Variants in DARS1 observed in about 807,000 individuals in gnomAD.
The protein encoded by DARS1 is aspartate--tRNA ligase, cytoplasmic.
A neutral mutation model predicts 68.8 loss-of-function variants in DARS1; 51 were observed. The observed-to-expected ratio is 0.74, with a 90% CI of 0.59 to 0.94. The LOEUF is 0.94. Ranked by LOEUF, DARS1 falls within the 40% of genes least tolerant of loss-of-function variation. The probability of loss-of-function intolerance (pLI) is 0.00; values close to 1 mark genes in which losing one functional copy is unlikely to be tolerated. For missense variants in DARS1, 607 were observed against 597.3 expected (o/e 1.02, Z -0.17); for synonymous variants, 203 against 190.4 (o/e 1.07, Z -0.55).
Position 135,924,452 on chromosome 2 carries a change from T to C in DARS1, c.611A>G (p.His204Arg). Residue 204 changes from histidine (H) to arginine (R), a missense_variant, in exon 8 of 16, where the codon CAT (histidine) becomes CGT (arginine). Physicochemically the swap from His to Arg is conservative, Grantham distance 29. Transcript: ENST00000264161. ...GTTAATTAAAGTTTCTCGGAAGAGATGGCAGATGCCAGACTGGAGACGGAA... is the reference window on the plus strand; with the variant it reads ...GTTAATTAAAGTTTCTCGGAAGAGACGGCAGATGCCAGACTGGAGACGGAA... ...AVFRLQSGIC[H>R]LFRETLINKG... 5.6e-6 allele frequency: 9 copies of C among 1,609,852 alleles called. No homozygotes were observed. Among genetic ancestry groups the C allele is most frequent in the Non-Finnish European group, 7.6e-6 (9 of 1,178,904 alleles).
chr2:135,939,090 G>C (rs1681537396), intron 5 of DARS1, among the ~76,000 whole-genome samples: 1 of 152,070 alleles, frequency 6.6e-6, no homozygotes, highest in Admixed American at 6.6e-5. Flanking sequence ...GTCAACATTA[G>C]GCAGATCAAT....
chr2:135,985,154 C>G lies in DARS1; in HGVS notation c.66+249G>C, dbSNP rs1222041728. On this transcript the variant is annotated intron_variant, in intron 1 of 15. Transcript: ENST00000264161. ...TACTTCCGGGGCGGCTGGTTCTTCC[C>G]GTCCTCCCCACCCCGGGGACACGCT... The G allele has an allele frequency of 1.1e-5, 6 of 562,888 alleles. No individual in the cohort carries two copies. In the East Asian group the frequency reaches 1.8e-4, roughly 16 times the overall value. 34.9% of individuals were successfully genotyped at this position (562,888 alleles called of 1,614,324 possible). A position where few individuals can be genotyped will look rare whatever the true frequency, so the allele number is the denominator to read the frequency against.
chr2:135,942,746 C>T (rs926188077), intron 5 of DARS1, among the ~76,000 whole-genome samples: 9 of 152,066 alleles, frequency 5.9e-5, no homozygotes, highest in African/African-American at 2.2e-4. Flanking sequence ...CATTATTATT[C>T]ACTTATATTG....
chr2:135,972,658 G>C (rs1469611937), intron 3 of DARS1, among the ~76,000 whole-genome samples: 3 of 152,034 alleles, frequency 2.0e-5, no homozygotes, highest in Non-Finnish European at 2.9e-5. Flanking sequence ...ATGGGACAAA[G>C]TATTTACAAA....
chr2:135,977,747 A>G (rs1481794004), intron 3 of DARS1, among the ~76,000 whole-genome samples: 1 of 152,218 alleles, frequency 6.6e-6, no homozygotes, highest in Non-Finnish European at 1.5e-5. Context: ...ACTCTTAACA[A>G]TGGTGGCCCT....
chr2:135,953,425 C>T (rs528895119), intron 4 of DARS1, among the ~76,000 whole-genome samples: 3 of 152,152 alleles, frequency 2.0e-5, no homozygotes, highest in Non-Finnish European at 4.4e-5. Context: ...CAGTGGCATA[C>T]ACCACACAGC....
At chr2:135,929,733 T>C (rs947779344) in intron 7 of DARS1, among the ~76,000 whole-genome samples, 8 of 152,224 alleles carry the variant, frequency 5.3e-5, no homozygotes, top group African/African-American at 1.9e-4. Flanking sequence ...AAAATATGTA[T>C]TGAAAGTAAT....
intron 4 of DARS1, among the ~76,000 whole-genome samples, chr2:135,954,684 T>C (rs1404742092): frequency 1.3e-5 from 2 of 152,194 alleles, no homozygotes; most frequent in African/African-American, 4.8e-5. Context: ...TGAGTTTTAA[T>C]TTCAGATTAA....
chr2:135,958,365 T>C (rs1412763286), intron 4 of DARS1, among the ~76,000 whole-genome samples: 1 of 152,240 alleles, frequency 6.6e-6, no homozygotes, highest in Non-Finnish European at 1.5e-5. Flanking sequence ...AAAGCTACCT[T>C]AATTTTTGCT....
chr2:135,915,110 T>A (rs56100046), intron 11 of DARS1, among the ~76,000 whole-genome samples: 27,345 of 151,918 alleles, frequency 0.18, 2,669 homozygotes, highest in Middle Eastern at 0.39. Flanking sequence ...ATATATATTT[T>A]TTTTTGTTAA....
chr2:135,959,974 C>T (rs915138474), intron 4 of DARS1, among the ~76,000 whole-genome samples: 5 of 152,094 alleles, frequency 3.3e-5, no homozygotes, highest in African/African-American at 7.2e-5. Context: ...TCTATGTCTG[C>T]GGTTTCCAGG....
At chr2:135,911,565 C>A in intron 13 of DARS1, 72 bp from the exon 14 acceptor site, 1 of 709,848 alleles carries the variant, frequency 1.4e-6, no homozygotes, top group Admixed American at 2.5e-5. Context: ...GGAAAAAAAT[C>A]TCTGCTGCAT....
intron 4 of DARS1, among the ~76,000 whole-genome samples, chr2:135,953,957 A>T (rs1681905007): frequency 6.7e-6 from 1 of 149,636 alleles, no homozygotes; most frequent in Non-Finnish European, 1.5e-5. Flanking sequence ...GGGTTTTGCC[A>T]TGTTGACCAG....
intron 3 of DARS1, among the ~76,000 whole-genome samples, chr2:135,961,934 A>G (rs1682111320): frequency 6.6e-6 from 1 of 152,270 alleles, no homozygotes; most frequent in Non-Finnish European, 1.5e-5. Context: ...GTGCTAACAC[A>G]GTGCTTAAAA....
In DARS1 at chr2:135,937,897, G is replaced by A. The variant is rs183884031; in HGVS notation, c.424-3907C>T. ...ATGGGCTTCCCTTTGCGGGTAACCC[G>A]AGCTTTCTCTCTGGCTGCCCTTAAC... On this transcript the variant is annotated intron_variant, in intron 5 of 15. Coordinates refer to ENST00000264161, the MANE Select transcript of DARS1 (RefSeq NM_001349.4). Among the ~76,000 whole-genome samples, 21 of 152,290 alleles carry A rather than the reference G, an allele frequency of 1.4e-4. No homozygotes were observed. The East Asian group carries it at 3.3e-3, about 24-fold the overall frequency.
intron 3 of DARS1, among the ~76,000 whole-genome samples, chr2:135,965,400 T>C (rs990354379): frequency 5.3e-5 from 8 of 151,880 alleles, no homozygotes; most frequent in Non-Finnish European, 8.8e-5. Flanking sequence ...AAACAGGCAA[T>C]AGACCAAAAC....
chr2:135,985,300 G>A, intron 1 of DARS1, 103 bp downstream of exon 1: 8 of 1,467,038 alleles, frequency 5.5e-6, no homozygotes, highest in South Asian at 4.1e-5. Context: ...TGCGGAGAAC[G>A]TGCCGACAAG....
chr2:135,955,134 T>TACC (rs1401639064), intron 4 of DARS1, among the ~76,000 whole-genome samples: 1 of 148,304 alleles, frequency 6.7e-6, no homozygotes, highest in Non-Finnish European at 1.5e-5. Flanking sequence ...TTCCATTTAT[T>TACC]ACCACCACCA....
In DARS1 at chr2:135,977,871, A is replaced by C. The variant is rs1189299518; in HGVS notation, c.217+1403T>G. 2.6e-5 allele frequency among the ~76,000 whole-genome samples: 4 copies of C among 152,154 alleles called. No individual in the cohort carries two copies. In the East Asian group the frequency reaches 7.7e-4, roughly 29 times the overall value. On this transcript the variant is annotated intron_variant, in intron 3 of 15. Transcript: ENST00000264161. ...AAGAAATGCTCTATCGGCTGGGTGC[A>C]GTGACTTATGCCTGTAATCCCAGCA...
Sources: gnomAD v4.1 joint callset for allele counts (sites outside exome capture counted in the v4.1 genomes callset) on GRCh38, gnomAD v4.1.1 for gene constraint, MANE v1.5 for transcripts, NCBI Gene and HGNC (gene_info 2026-07-23, HGNC 2026-07-21) for gene names.